The following ADARB2 variants were observed in gnomAD, a reference collection of about 807,000 sequenced individuals.
The protein encoded by ADARB2 is adenosine deaminase RNA specific B2 (inactive).
A neutral mutation model predicts 62.2 loss-of-function variants in ADARB2; 25 were observed. The ratio of observed to expected loss-of-function variants is 0.40; its 90% confidence interval spans 0.29 to 0.56. The LOEUF (loss-of-function observed/expected upper bound fraction) is 0.56, where lower values mean the gene tolerates loss of function less well. Among genes scored for constraint, ADARB2 ranks in the 20% least tolerant of loss-of-function variants. The pLI is 0.43. For synonymous variants in ADARB2, 572 were observed against 500.8 expected (o/e 1.14, Z -1.90); for missense variants, 1,071 against 1,077.4 (o/e 0.99, Z 0.08).
intron 1 of ADARB2, among the ~76,000 whole-genome samples, chr10:1,677,202 CA>C (rs1834477171): frequency 6.6e-6 from 1 of 152,200 alleles, no homozygotes; most frequent in African/African-American, 2.4e-5. Context: ...TCCGAAGGCT[CA>C]ATTTCTGTTT....
At chr10:1,701,325 A>G (rs375175432) in intron 1 of ADARB2, among the ~76,000 whole-genome samples, 2 of 102 alleles carry the variant, frequency 0.02, 1 homozygote, top group African/African-American at 0.02. Context: ...CCACTCCACC[A>G]GGAGACCGGG....
chr10:1,552,211 G>C (rs1252010051), intron 1 of ADARB2, among the ~76,000 whole-genome samples: 3 of 152,250 alleles, frequency 2.0e-5, no homozygotes, highest in African/African-American at 7.2e-5. Context: ...CCTGGGGCCA[G>C]GAGCCTTTCC....
intron 1 of ADARB2, among the ~76,000 whole-genome samples, chr10:1,721,679 T>C (rs1835094068): frequency 6.6e-6 from 1 of 152,216 alleles, no homozygotes; most frequent in Non-Finnish European, 1.5e-5. Context: ...ACAGAGGGCC[T>C]TGTGTGGCCT....
chr10:1,481,141 G>C (rs534736559), intron 1 of ADARB2, among the ~76,000 whole-genome samples: 1 of 152,164 alleles, frequency 6.6e-6, no homozygotes, highest in South Asian at 2.1e-4. Context: ...AGAGAACAGA[G>C]GGCTCAGAAA....
At chr10:1,484,389 C>T (rs1310576400) in intron 1 of ADARB2, among the ~76,000 whole-genome samples, 1 of 152,314 alleles carries the variant, frequency 6.6e-6, no homozygotes, top group South Asian at 2.1e-4. Flanking sequence ...GCTGAGCGTC[C>T]CTGTGCCGCT....
rs997383944 is a variant in ADARB2, at chr10:1,597,424, G to GA, written c.100+139626dup. ...TACAAGGAGCTCAAACAACTCAACA[G>GA]AAAAAAAATAACCTCATTAAAAAGT... On this transcript the variant is annotated intron_variant, in intron 1 of 9. Coordinates refer to ENST00000381312, the MANE Select transcript of ADARB2 (RefSeq NM_018702.4). Among the ~76,000 whole-genome samples, 4 of 151,568 alleles carry GA rather than the reference G, an allele frequency of 2.6e-5. No individual in the cohort carries two copies. The East Asian group carries it at 5.8e-4, about 22-fold the overall frequency.
chr10:1,676,050 AG>A (rs1464274852), intron 1 of ADARB2: 1 of 985,238 alleles, frequency 1.0e-6, no homozygotes, highest in Non-Finnish European at 1.2e-6. Context: ...TCTTGACCTG[AG>A]CCCCTGTGCA....
intron 3 of ADARB2, among the ~76,000 whole-genome samples, chr10:1,293,288 A>AGGGAGAGAAGGG (rs1831493549): frequency 1.2e-5 from 1 of 84,244 alleles, no homozygotes; most frequent in African/African-American, 4.2e-5. Context: ...GGGAAAGAGC[A>AGGGAGAGAAGGG]GGGAGAGAAG....
At chr10:1,525,016 A>T (rs114184051) in intron 1 of ADARB2, among the ~76,000 whole-genome samples, 149 of 152,294 alleles carry the variant, frequency 9.8e-4, no homozygotes, top group African/African-American at 3.4e-3. Context: ...AATTTAAGTA[A>T]GCATCCTTGC....
intron 1 of ADARB2, among the ~76,000 whole-genome samples, chr10:1,660,074 C>T (rs1225372281): frequency 6.6e-6 from 1 of 152,198 alleles, no homozygotes; most frequent in African/African-American, 2.4e-5. Context: ...CCTGGGCAAC[C>T]CATCATGCAG....
chr10:1,701,725 A>G (rs1190678356), intron 1 of ADARB2, among the ~76,000 whole-genome samples: 7 of 32,354 alleles, frequency 2.2e-4, no homozygotes, highest in Admixed American at 3.8e-4. Context: ...GCACTCGCCA[A>G]TACACGCAAT....
intron 1 of ADARB2, among the ~76,000 whole-genome samples, chr10:1,445,931 G>T (rs77286586): frequency 0.051 from 7,809 of 152,252 alleles, 387 homozygotes; most frequent in East Asian, 0.19. Context: ...AGGAAAAGCA[G>T]GTGAAAAATC....
At chr10:1,249,219 A>T (rs2131781793) in intron 4 of ADARB2, among the ~76,000 whole-genome samples, 1 of 152,318 alleles carries the variant, frequency 6.6e-6, no homozygotes, top group South Asian at 2.1e-4. Flanking sequence ...AGGACAGTGG[A>T]TTGCTTAAGG....
At chr10:1,570,597 T>C (rs1477544940) in intron 1 of ADARB2, among the ~76,000 whole-genome samples, 1 of 152,206 alleles carries the variant, frequency 6.6e-6, no homozygotes, top group African/African-American at 2.4e-5. Flanking sequence ...CTTACATCAT[T>C]TCTCTCACCA....
intron 1 of ADARB2, among the ~76,000 whole-genome samples, chr10:1,483,433 C>T (rs554909348): frequency 1.6e-4 from 24 of 152,258 alleles, no homozygotes; most frequent in Non-Finnish European, 3.2e-4. Flanking sequence ...ATGGTAATTC[C>T]AAGACAATGG....
At chr10:1,249,067 A>C (rs1464267619) in intron 4 of ADARB2, among the ~76,000 whole-genome samples, 1 of 152,254 alleles carries the variant, frequency 6.6e-6, no homozygotes, top group African/African-American at 2.4e-5. Context: ...AATACTAGCC[A>C]TCAAGTAGCA....
intron 3 of ADARB2, among the ~76,000 whole-genome samples, chr10:1,276,731 G>A (rs924645575): frequency 6.6e-6 from 1 of 152,136 alleles, no homozygotes; most frequent in Non-Finnish European, 1.5e-5. Context: ...TCCAGGAATT[G>A]AACTCAGCTC....
intron 1 of ADARB2, among the ~76,000 whole-genome samples, chr10:1,382,604 G>A (rs1027430080): frequency 6.6e-6 from 1 of 152,062 alleles, no homozygotes; most frequent in Non-Finnish European, 1.5e-5. Context: ...CAATACGAGT[G>A]GAACTCTGAT....
chr10:1,578,706 T>C (rs1223855336), intron 1 of ADARB2, among the ~76,000 whole-genome samples: 1 of 151,868 alleles, frequency 6.6e-6, no homozygotes, highest in Non-Finnish European at 1.5e-5. Flanking sequence ...CACATGCTCA[T>C]GCACACTCAC....
Sources: gnomAD v4.1 joint callset for allele counts (sites outside exome capture counted in the v4.1 genomes callset) on GRCh38, gnomAD v4.1.1 for gene constraint, MANE v1.5 for transcripts, NCBI Gene and HGNC (gene_info 2026-07-23, HGNC 2026-07-21) for gene names.